The following CACHD1 variants were observed in gnomAD, a reference collection of about 807,000 sequenced individuals.
The protein encoded by CACHD1 is VWFA and cache domain-containing protein 1.
In CACHD1, 71 loss-of-function variants were observed where a neutral mutation model predicts 138.7. The ratio of observed to expected loss-of-function variants is 0.51; its 90% confidence interval spans 0.42 to 0.62. The LOEUF (loss-of-function observed/expected upper bound fraction) is 0.62, where lower values mean the gene tolerates loss of function less well. Among genes scored for constraint, CACHD1 ranks in the 20% least tolerant of loss-of-function variants. The pLI is 0.00. For synonymous variants in CACHD1, 578 were observed against 591.5 expected, an observed-to-expected ratio of 0.98 and a Z score of 0.33; for missense variants, 1,389 against 1,625.3, an observed-to-expected ratio of 0.85 and a Z score of 2.50.
In CACHD1 at chr1:64,480,886, C is replaced by CTTT. The variant is rs530847374; in HGVS notation, c.198+9955_198+9957dup. Among the ~76,000 whole-genome samples the CTTT allele has an allele frequency of 8.9e-3, 1,244 of 140,560 alleles. 18 individuals are homozygous for CTTT. Among genetic ancestry groups the CTTT allele is most frequent in the African/African-American group, 0.031 (1,179 of 37,954 alleles). The allele number at this position is 140,560 out of a possible 152,430, so 92.2% of individuals were successfully genotyped here. A position where few individuals can be genotyped will look rare whatever the true frequency, so the allele number is the denominator to read the frequency against. On this transcript the variant is annotated intron_variant, in intron 1 of 26. Transcript: ENST00000651257. ...AAGTTGTTTCTTTCTCTCTCTCTCC[C>CTTT]TTTTTTTTTTTTTGGGTGAAAATTG...
intron 1 of CACHD1, among the ~76,000 whole-genome samples, chr1:64,541,360 GT>G (rs1222250740): frequency 6.8e-6 from 1 of 147,320 alleles, no homozygotes; most frequent in East Asian, 2.0e-4. Flanking sequence ...AACAATATTG[GT>G]TTTTATGGAG....
chr1:64,515,831 A>G lies in CACHD1; in HGVS notation c.199-34763A>G, dbSNP rs543884902. Among the ~76,000 whole-genome samples the G allele has an allele frequency of 3.3e-5, 5 of 152,312 alleles. No individual in the cohort carries two copies. In the South Asian group the frequency reaches 1.0e-3, roughly 32 times the overall value. On this transcript the variant is annotated intron_variant, in intron 1 of 26. Coordinates refer to ENST00000651257, the MANE Select transcript of CACHD1 (RefSeq NM_020925.4). ...GATTATAGAAAGGTGGCTGGGATTC[A>G]TGGTTTCAACTCTTGGTATTAATTT...
In CACHD1 at chr1:64,632,731, T is replaced by C. The variant is rs1253276292; in HGVS notation, c.777T>C (p.Asp259=). The C allele has an allele frequency of 6.2e-7, 1 of 1,614,146 alleles. No homozygotes were observed. Among genetic ancestry groups the C allele is most frequent in the South Asian group, 1.1e-5 (1 of 91,086 alleles). ...DAAQVILSAI[D]EHDKISVLTV... ...CTCAGGTCATCCTCAGCGCCATCGA[T>C]GAACATGACAAGGTGACCATGACCC... is the stretch of plus-strand genomic sequence containing the variant. The change falls in exon 6 of 27, where the codon GAT becomes GAC. Residue 259 remains aspartate, a synonymous_variant. Coordinates refer to ENST00000651257, the MANE Select transcript of CACHD1 (RefSeq NM_020925.4).
intron 16 of CACHD1, among the ~76,000 whole-genome samples, chr1:64,669,441 A>C (rs991506599): frequency 2.0e-5 from 3 of 152,222 alleles, no homozygotes; most frequent in African/African-American, 7.2e-5. Flanking sequence ...TTGGCTGAGA[A>C]TTAGAGGCAT....
chr1:64,483,442 A>G (rs1035213480), intron 1 of CACHD1, among the ~76,000 whole-genome samples: 2 of 152,166 alleles, frequency 1.3e-5, no homozygotes, highest in African/African-American at 4.8e-5. Flanking sequence ...CTTATGAAAT[A>G]TGCAGCCTGC....
chr1:64,613,492 C>G (rs745650678), intron 4 of CACHD1: 1 of 152,094 alleles, frequency 6.6e-6, no homozygotes, highest in African/African-American at 2.4e-5. Flanking sequence ...TTCCAGGGGT[C>G]GAGAACTGAG....
At chr1:64,623,794 TG>T (rs1482597412) in intron 4 of CACHD1, among the ~76,000 whole-genome samples, 56 of 152,222 alleles carry the variant, frequency 3.7e-4, no homozygotes, top group African/African-American at 1.2e-3. Context: ...TAGGTGTAGG[TG>T]TATAGAGCAA....
chr1:64,608,027 G>A (rs1315918581), intron 4 of CACHD1, among the ~76,000 whole-genome samples: 1 of 152,204 alleles, frequency 6.6e-6, no homozygotes, highest in Non-Finnish European at 1.5e-5. Flanking sequence ...GGGAAGAAGA[G>A]TGTGGAGAGG....
Position 64,658,812 on chromosome 1 carries a change from C to A in CACHD1, c.1890C>A (p.His630Gln), listed in dbSNP as rs1259703256. The stretch of plus-strand genomic sequence containing the variant: ...TTCCCAGCAGCAAGCTGCTGTACCA[C>A]CGGCTGGATCTCCTTGGCCAGCCCA... ...NTVPSSKLLY[H>Q]RLDLLGQPSA... Residue 630 changes from histidine to glutamine, a missense_variant, in exon 13 of 27, where the codon CAC becomes CAA. Coordinates refer to ENST00000651257, the MANE Select transcript of CACHD1 (RefSeq NM_020925.4). The A allele has an allele frequency of 2.5e-6, 4 of 1,596,496 alleles. No individual in the cohort carries two copies. In the African/African-American group the frequency reaches 5.4e-5, roughly 21 times the overall value.
At chr1:64,544,071 G>A (rs966808909) in intron 1 of CACHD1, among the ~76,000 whole-genome samples, 10 of 151,902 alleles carry the variant, frequency 6.6e-5, no homozygotes, top group Middle Eastern at 6.3e-3. Flanking sequence ...TAACAGTGGT[G>A]ATCTATACTT....
At chr1:64,658,580 A>G in intron 12 of CACHD1, 125 bp from the exon 13 acceptor site, 1 of 623,916 alleles carries the variant, frequency 1.6e-6, no homozygotes, top group Non-Finnish European at 2.7e-6. Flanking sequence ...CATTCATCCC[A>G]TATTTAATGA....
chr1:64,625,680 C>G (rs1205647937), intron 4 of CACHD1, among the ~76,000 whole-genome samples: 1 of 151,774 alleles, frequency 6.6e-6, no homozygotes, highest in African/African-American at 2.4e-5. Context: ...GTACGCTATT[C>G]ATGTGATGAT....
Position 64,470,802 on chromosome 1 carries a change from C to T in CACHD1, c.58C>T (p.Leu20Phe), listed in dbSNP as rs776324043. ...TAVARARRPP[L>F]WLLCLVACWL... ...CGTGGCCCGGGCGCGGCGGCCGCCC[C>T]TCTGGCTGCTCTGCCTGGTCGCGTG... Residue 20 changes from leucine (L) to phenylalanine (F), a missense_variant, in exon 1 of 27, where the codon CTC becomes TTC. By Grantham distance (22) the Leu-to-Phe change is conservative. Coordinates refer to ENST00000651257, the MANE Select transcript of CACHD1 (RefSeq NM_020925.4). The surrounding 1 kb of genome is among the most constrained non-coding windows in gnomAD (Gnocchi z 5.2). The T allele has an allele frequency of 3.0e-6, 4 of 1,347,222 alleles. No homozygotes were observed. Among genetic ancestry groups the T allele is most frequent in the South Asian group, 2.5e-5 (2 of 79,194 alleles). The allele number at this position is 1,347,222 out of a possible 1,614,324, so 83.5% of individuals were successfully genotyped here.
chr1:64,475,870 T>C, intron 1 of CACHD1, among the ~76,000 whole-genome samples: 1 of 152,160 alleles, frequency 6.6e-6, no homozygotes, highest in East Asian at 1.9e-4. Context: ...GCCCTTAATC[T>C]GTCAACTAAT....
chr1:64,605,067 A>G (rs575236618), intron 4 of CACHD1, among the ~76,000 whole-genome samples: 81 of 151,548 alleles, frequency 5.3e-4, no homozygotes, highest in Admixed American at 5.3e-3. Context: ...TTTGGGTTCA[A>G]GCGATTCTCC....
At chr1:64,642,001 T>A (rs748282179) in intron 8 of CACHD1, 32 bp downstream of exon 8, 1 of 1,512,572 alleles carries the variant, frequency 6.6e-7, no homozygotes, top group Non-Finnish European at 8.8e-7. Context: ...TCCTTTCAGA[T>A]CAAAGATCCC....
intron 23 of CACHD1, among the ~76,000 whole-genome samples, chr1:64,679,270 C>T (rs988358355): frequency 5.9e-5 from 9 of 152,174 alleles, no homozygotes; most frequent in African/African-American, 1.9e-4. Flanking sequence ...CCAAGAGTAA[C>T]TCATACCCCA....
chr1:64,658,568 T>C, intron 12 of CACHD1, 137 bp from the exon 13 acceptor site: 3 of 592,116 alleles, frequency 5.1e-6, no homozygotes, highest in Non-Finnish European at 8.5e-6. Context: ...CATGTCTTCA[T>C]TCATTCATCC....
chr1:64,568,622 A>G lies in CACHD1; in HGVS notation c.262-13534A>G, dbSNP rs74080436. Among the ~76,000 whole-genome samples the G allele has an allele frequency of 9.7e-3, 1,482 of 152,298 alleles. 32 individuals carry two copies. Among genetic ancestry groups the G allele is most frequent in the African/African-American group, 0.034 (1,418 of 41,572 alleles). ...ACCTCTGTTCTGTATTCTTATATAT[A>G]TATTTGCAAGTTAAAATATATGTGA... On this transcript the variant is annotated intron_variant, in intron 2 of 26. Transcript: ENST00000651257.
Sources: allele counts gnomAD v4.1 joint callset (sites outside exome capture counted in the v4.1 genomes callset), GRCh38; gene constraint gnomAD v4.1.1; non-coding constraint Gnocchi (gnomAD v3.1); transcripts MANE v1.5; gene names NCBI Gene and HGNC (gene_info 2026-07-23, HGNC 2026-07-21).